CELF2: variants seen among roughly 807,000 people sequenced by gnomAD.
CELF2 encodes CUGBP Elav-like family member 2.
In CELF2, 8 loss-of-function variants were observed where a neutral mutation model predicts 62.6. The ratio of observed to expected loss-of-function variants is 0.13; its 90% CI spans 0.07 to 0.23. The LOEUF is 0.23. CELF2 is among the 10% of genes least tolerant of loss of function. The pLI, the probability that CELF2 is intolerant of heterozygous loss-of-function variation, is 1.00. For synonymous variants in CELF2, 258 were observed against 250.0 expected, an observed-to-expected ratio of 1.03 and a Z score of -0.30; for missense variants, 333 against 671.0, an observed-to-expected ratio of 0.50 and a Z score of 5.56.
At chr10:10,646,721 G>A in the CELF2 span, among the ~76,000 whole-genome samples, 24,560 of 152,192 alleles carry the variant, frequency 0.16, 2,145 homozygotes, top group South Asian at 0.24. Flanking sequence ...ATGTTCTGAC[G>A]AAGAGCAGGT....
chr10:10,853,664 G>A (rs987662137), intron 1 of CELF2, among the ~76,000 whole-genome samples: 5 of 151,642 alleles, frequency 3.3e-5, no homozygotes, highest in Admixed American at 6.6e-5. Context: ...CCCTTATTGC[G>A]AGACTAGGTC....
At chr10:11,185,165 A>G (rs935345255) in intron 2 of CELF2, among the ~76,000 whole-genome samples, 1 of 152,092 alleles carries the variant, frequency 6.6e-6, no homozygotes, top group South Asian at 2.1e-4. Flanking sequence ...AAATATGACA[A>G]ATCACATTGT....
chr10:11,018,265 C>T (rs2137846478), intron 1 of CELF2, 102 bp downstream of exon 1: 1 of 957,404 alleles, frequency 1.0e-6, no homozygotes, highest in Admixed American at 3.6e-5. Flanking sequence ...GGGCGCGACT[C>T]GGCCGCTTCG....
At chr10:10,668,148 A>G in the CELF2 span, among the ~76,000 whole-genome samples, 1 of 152,216 alleles carries the variant, frequency 6.6e-6, no homozygotes, top group African/African-American at 2.4e-5. Flanking sequence ...TAACAGTTTT[A>G]TGGCAATATA....
At chr10:11,226,787 T>G (rs1199255931) in intron 3 of CELF2, among the ~76,000 whole-genome samples, 1 of 152,052 alleles carries the variant, frequency 6.6e-6, no homozygotes, top group African/African-American at 2.4e-5. Context: ...GGTGTGAAGT[T>G]ACTAACACGG....
At chr10:10,504,268 C>T in the CELF2 span, among the ~76,000 whole-genome samples, 9 of 152,046 alleles carry the variant, frequency 5.9e-5, no homozygotes, top group South Asian at 6.2e-4. Context: ...CTGCATGTGA[C>T]AAATTCTCTT....
intron 1 of CELF2, among the ~76,000 whole-genome samples, chr10:11,029,186 T>A (rs1485123376): frequency 6.6e-6 from 1 of 152,110 alleles, no homozygotes. Context: ...TATGTGGTGG[T>A]GTAGGGTTAA....
At chr10:11,090,744 A>G (rs181654105) in intron 1 of CELF2, among the ~76,000 whole-genome samples, 186 of 152,334 alleles carry the variant, frequency 1.2e-3, no homozygotes, top group African/African-American at 4.3e-3. Flanking sequence ...ATTATTTTCT[A>G]TTCTCTAGCA....
the CELF2 span, among the ~76,000 whole-genome samples, chr10:10,644,719 C>A: frequency 6.6e-6 from 1 of 152,052 alleles, no homozygotes; most frequent in East Asian, 1.9e-4. Context: ...AAACAAAGGC[C>A]CTATTTTAGC....
chr10:10,582,920 G>T, the CELF2 span, among the ~76,000 whole-genome samples: 4 of 152,076 alleles, frequency 2.6e-5, no homozygotes, highest in African/African-American at 9.7e-5. Context: ...TCTATTCAAG[G>T]GCAGTCAACT....
intron 2 of CELF2, among the ~76,000 whole-genome samples, chr10:11,186,796 A>G (rs557603347): frequency 2.6e-5 from 4 of 152,188 alleles, no homozygotes; most frequent in African/African-American, 4.8e-5. Context: ...CAAAAATCCA[A>G]TACATTTACG....
At chr10:10,896,265 G>A (rs1273018662) in intron 1 of CELF2, among the ~76,000 whole-genome samples, 2 of 152,088 alleles carry the variant, frequency 1.3e-5, no homozygotes, top group African/African-American at 4.8e-5. Context: ...ACATAGAAGG[G>A]TCTTGCCTCC....
rs549661184 is a variant in CELF2 at position 11,057,783 on chromosome 10, A to T, written c.74+39620A>T. On this transcript the variant is annotated intron_variant, in intron 1 of 12. Coordinates refer to ENST00000633077, the MANE Select transcript of CELF2 (RefSeq NM_001326342.2). ...TTTGGTTAACAGCCTGTTTCTCCAT[A>T]CCCCAGCATCATCCCTTTAACCCAT... 7.8e-4 allele frequency among the ~76,000 whole-genome samples: 119 copies of T among 152,254 alleles called. 2 individuals are homozygous for T. The highest frequency in any genetic ancestry group is 1.5e-3 in the Non-Finnish European group (101 of 68,026).
intron 1 of CELF2, among the ~76,000 whole-genome samples, chr10:11,108,083 T>TCCCTCTCCCCCCTCCCC: frequency 6.3e-5 from 1 of 15,800 alleles, no homozygotes; most frequent in African/African-American, 2.5e-4. Flanking sequence ...CCCCACTCCC[T>TCCCTCTCCCCCCTCCCC]TCCTCTCCCC....
chr10:11,315,523 T>G lies in CELF2; in HGVS notation c.1096+1265T>G, dbSNP rs1345790047. On this transcript the variant is annotated intron_variant, in intron 10 of 12. Transcript: ENST00000633077. The surrounding 1 kb of genome is among the most constrained non-coding windows in gnomAD (Gnocchi z 5.8). The stretch of plus-strand genomic sequence containing the variant: ...AAATTTATCCAAATAAAAATTAACT[T>G]GTATAATCCTGATAAATCATTTTCA... Among the ~76,000 whole-genome samples, 1 of 152,236 alleles carries G rather than the reference T, an allele frequency of 6.6e-6. No individual in the cohort carries two copies. The highest frequency in any genetic ancestry group is 1.5e-5 in the Non-Finnish European group (1 of 68,046).
intron 2 of CELF2, among the ~76,000 whole-genome samples, chr10:11,206,274 G>T (rs568097639): frequency 1.3e-5 from 2 of 152,322 alleles, no homozygotes; most frequent in East Asian, 3.9e-4. Flanking sequence ...GCATCTAATA[G>T]CCCAGCTTGC....
At chr10:10,466,666 C>T in the CELF2 span, among the ~76,000 whole-genome samples, 13 of 152,196 alleles carry the variant, frequency 8.5e-5, no homozygotes, top group South Asian at 4.2e-4. Flanking sequence ...TACTTTCTCC[C>T]GCAATGTTGG....
At chr10:10,770,365 G>T in the CELF2 span, among the ~76,000 whole-genome samples, 1 of 151,956 alleles carries the variant, frequency 6.6e-6, no homozygotes, top group Non-Finnish European at 1.5e-5. Context: ...CAGCCAGCAA[G>T]CAGGAGGGGA....
the CELF2 span, among the ~76,000 whole-genome samples, chr10:10,518,989 A>C: frequency 1.3e-5 from 2 of 152,262 alleles, no homozygotes; most frequent in Admixed American, 1.3e-4. Flanking sequence ...GCCAAGTTTT[A>C]GGAAGAATAA....
Sources: gnomAD v4.1 joint callset for allele counts (sites outside exome capture counted in the v4.1 genomes callset) on GRCh38, gnomAD v4.1.1 for gene constraint, Gnocchi (gnomAD v3.1) non-coding constraint, MANE v1.5 for transcripts, NCBI Gene and HGNC (gene_info 2026-07-23, HGNC 2026-07-21) for gene names.